Variants in KALRN observed in about 807,000 individuals in gnomAD.
The protein encoded by KALRN is kalirin.
Under a neutral mutation model 353.7 loss-of-function variants are expected in KALRN, and 70 were observed. That is an observed-to-expected ratio of 0.20 (90% confidence interval 0.16 to 0.24). The LOEUF (loss-of-function observed/expected upper bound fraction) is 0.24, where lower values mean the gene tolerates loss of function less well. KALRN is among the 10% of genes least tolerant of loss of function. The pLI is 1.00. For synonymous variants in KALRN, 1,391 were observed against 1,434.8 expected (o/e 0.97, Z 0.69); for missense variants, 2,791 against 3,756.7 (o/e 0.74, Z 6.72).
intron 10 of KALRN, among the ~76,000 whole-genome samples, chr3:124,368,853 G>A (rs1310638649): frequency 6.6e-6 from 1 of 152,214 alleles, no homozygotes; most frequent in African/African-American, 2.4e-5. Context: ...CGCGGTTAGG[G>A]GCTGGAGACC....
intron 33 of KALRN, chr3:124,519,648 T>C: frequency 1.0e-6 from 1 of 985,432 alleles, no homozygotes; most frequent in Non-Finnish European, 1.2e-6. Flanking sequence ...TTCAGTGTTC[T>C]GAACTTTTCG....
chr3:124,717,482 C>G (rs552748475), intron 59 of KALRN, 97 bp downstream of exon 59: 28 of 726,786 alleles, frequency 3.9e-5, no homozygotes, highest in Admixed American at 2.1e-4. Context: ...GTCAGGAGAT[C>G]GAGACCATCC....
At position 124,495,637 on chromosome 3, in the gene KALRN, C is replaced by T. The variant is rs552142886; in HGVS notation, c.4833-674C>T. 1.0e-4 allele frequency among the ~76,000 whole-genome samples: 15 copies of T among 146,226 alleles called. No homozygotes were observed. In the South Asian group the frequency reaches 3.3e-3, roughly 32 times the overall value. ...CGTGGAAACCCAGCTACTTGGGAGG[C>T]TGAGGCAGGAGGATCACTTGAGGTG... On this transcript the variant is annotated intron_variant, in intron 32 of 59. Transcript: ENST00000682506.
At chr3:124,153,004 TG>T in intron 1 of KALRN, 1 of 253,400 alleles carries the variant, frequency 3.9e-6, no homozygotes, top group Non-Finnish European at 7.7e-6. Flanking sequence ...TCTTCAGCTC[TG>T]TGAAATTCCT....
rs545743893 is a variant in KALRN, at chr3:124,261,289, A to G, written c.264-3209A>G. On this transcript the variant is annotated intron_variant, in intron 3 of 59. Transcript: ENST00000682506. The stretch of plus-strand genomic sequence containing the variant: ...ATGCCTCCATTTCATCTTCTGTCAC[A>G]TGGAGATAACCATACCTAGTTTATG... 7.9e-5 allele frequency among the ~76,000 whole-genome samples: 12 copies of G among 152,324 alleles called. No individual in the cohort carries two copies. The South Asian group carries it at 1.4e-3, about 18-fold the overall frequency.
At chr3:124,628,568 TTCATTTCTTTTCTTC>T (rs1360602943) in intron 34 of KALRN, among the ~76,000 whole-genome samples, 108 of 145,276 alleles carry the variant, frequency 7.4e-4, no homozygotes, top group African/African-American at 2.5e-3. Context: ...TTCTTTTCTT[TTCATTTCTTTTCTTC>T]TCATTTCTTT....
chr3:124,419,189 C>A (rs2092666532), intron 14 of KALRN, among the ~76,000 whole-genome samples: 1 of 151,714 alleles, frequency 6.6e-6, no homozygotes, highest in Admixed American at 6.6e-5. Flanking sequence ...TACATAAACA[C>A]CTGTCAGTAA....
chr3:124,312,933 G>C (rs1351425459), intron 6 of KALRN, among the ~76,000 whole-genome samples: 1 of 152,200 alleles, frequency 6.6e-6, no homozygotes, highest in Non-Finnish European at 1.5e-5. Context: ...CTAAATAAAC[G>C]CTTGTTGAAT....
chr3:124,098,119 T>C (rs2061581527), intron 1 of KALRN, among the ~76,000 whole-genome samples: 1 of 152,322 alleles, frequency 6.6e-6, no homozygotes, highest in Non-Finnish European at 1.5e-5. Flanking sequence ...TTTTTGGTAA[T>C]GGGAAGAATG....
chr3:124,682,718 G>A (rs1198855587), intron 51 of KALRN, among the ~76,000 whole-genome samples: 1 of 152,214 alleles, frequency 6.6e-6, no homozygotes, highest in East Asian at 1.9e-4. Flanking sequence ...ATATACAGGC[G>A]CATCCTTGAA....
At chr3:124,222,963 G>C (rs1256904570) in intron 1 of KALRN, among the ~76,000 whole-genome samples, 1 of 151,884 alleles carries the variant, frequency 6.6e-6, no homozygotes, top group Non-Finnish European at 1.5e-5. Flanking sequence ...GGTGGAACTT[G>C]AGATTTTGCA....
chr3:124,049,730 T>C (rs1040530272), intron 1 of KALRN, among the ~76,000 whole-genome samples: 4 of 152,252 alleles, frequency 2.6e-5, no homozygotes, highest in African/African-American at 9.6e-5. Context: ...AAGAGACATG[T>C]GTATGAGAGT....
At chr3:124,494,636 G>C (rs1336837408) in intron 32 of KALRN, among the ~76,000 whole-genome samples, 1 of 152,238 alleles carries the variant, frequency 6.6e-6, no homozygotes, top group African/African-American at 2.4e-5. Context: ...GATGGTGAGA[G>C]AGCAGTTGAC....
intron 33 of KALRN, among the ~76,000 whole-genome samples, chr3:124,503,068 G>A (rs1049817341): frequency 2.6e-5 from 4 of 152,118 alleles, no homozygotes; most frequent in Non-Finnish European, 1.5e-5. Context: ...AGGTCTCTGG[G>A]AAAAATTCCT....
At chr3:124,457,102 C>T (rs970362799) in intron 23 of KALRN, among the ~76,000 whole-genome samples, 26 of 152,054 alleles carry the variant, frequency 1.7e-4, no homozygotes, top group African/African-American at 4.4e-4. Flanking sequence ...CAGAGCCTCA[C>T]GGTGTCACCC....
rs776114221 is a variant in KALRN at position 124,209,226 on chromosome 3, C to T, written c.74-18764C>T. ...GAGAGATTAGAACTCATGTCTGGGCCAGGTGCAGTGGCTCACACCTGTAAT... is the reference window on the plus strand; with the variant it reads ...GAGAGATTAGAACTCATGTCTGGGCTAGGTGCAGTGGCTCACACCTGTAAT... On this transcript the variant is annotated intron_variant, in intron 1 of 59. Coordinates refer to ENST00000682506, the MANE Select transcript of KALRN (RefSeq NM_001388419.1). 3.3e-5 allele frequency among the ~76,000 whole-genome samples: 5 copies of T among 151,892 alleles called. No homozygotes were observed. The East Asian group carries it at 9.7e-4, about 29-fold the overall frequency.
chr3:124,219,682 C>G (rs17220224), intron 1 of KALRN, among the ~76,000 whole-genome samples: 26 of 152,192 alleles, frequency 1.7e-4, no homozygotes, highest in Admixed American at 6.5e-4. Context: ...TGCACCATCC[C>G]TCCTGCACAC....
chr3:124,384,811 C>G (rs1247562502), intron 10 of KALRN, 34 bp from the exon 11 acceptor site: 2 of 1,544,904 alleles, frequency 1.3e-6, no homozygotes, highest in African/African-American at 2.7e-5. Context: ...GGCGCGACTG[C>G]AACTTGACTT....
At position 124,266,743 on chromosome 3, in the gene KALRN, C is replaced by T. The variant is rs906216706; in HGVS notation, c.457-2000C>T. On this transcript the variant is annotated intron_variant, in intron 4 of 59. Transcript: ENST00000682506. ...CCTGACACTTGATGCAGGCGATTCT[C>T]ACTCTGTGTAAACAATACAAGAAAT... is the stretch of plus-strand genomic sequence containing the variant. Among the ~76,000 whole-genome samples the T allele has an allele frequency of 2.0e-5, 3 of 152,184 alleles. No individual in the cohort carries two copies. The South Asian group carries it at 6.2e-4, about 31-fold the overall frequency.
Sources: allele counts gnomAD v4.1 joint callset (sites outside exome capture counted in the v4.1 genomes callset), GRCh38; gene constraint gnomAD v4.1.1; transcripts MANE v1.5; gene names NCBI Gene and HGNC (gene_info 2026-07-23, HGNC 2026-07-21).